The following ADAMTS18 variants were observed in gnomAD, a reference collection of about 807,000 sequenced individuals.
ADAMTS18 encodes the protein ADAM metallopeptidase with thrombospondin type 1 motif 18.
Under a neutral mutation model 165.9 loss-of-function variants are expected in ADAMTS18, and 157 were observed. That is an observed-to-expected ratio of 0.95 (90% confidence interval 0.83 to 1.08). The LOEUF (loss-of-function observed/expected upper bound fraction) is 1.08, where lower values mean the gene tolerates loss of function less well. Among genes scored for constraint, ADAMTS18 ranks in the 50% least tolerant of loss-of-function variants. ADAMTS18 has a pLI of 0.00. For synonymous variants in ADAMTS18, 782 were observed against 578.2 expected, an observed-to-expected ratio of 1.35 and a Z score of -5.06; for missense variants, 2,040 against 1,534.0, an observed-to-expected ratio of 1.33 and a Z score of -5.51.
intron 16 of ADAMTS18, 37 bp downstream of exon 16, chr16:77,319,812 A>G: frequency 6.2e-7 from 1 of 1,613,674 alleles, no homozygotes; most frequent in Non-Finnish European, 8.5e-7. Flanking sequence ...AAATGTAGCA[A>G]GAAGCACTGA....
intron 3 of ADAMTS18, among the ~76,000 whole-genome samples, chr16:77,424,933 C>T (rs978025945): frequency 2.6e-5 from 4 of 152,150 alleles, no homozygotes; most frequent in Non-Finnish European, 5.9e-5. Context: ...TTTCTGCCCG[C>T]CATGGACGAA....
intron 10 of ADAMTS18, among the ~76,000 whole-genome samples, chr16:77,343,641 G>C (rs2056432343): frequency 6.6e-6 from 1 of 152,168 alleles, no homozygotes; most frequent in African/African-American, 2.4e-5. Flanking sequence ...TCTGAGTCTA[G>C]TAACAACCAC....
chr16:77,373,014 A>G (rs2056898058), intron 3 of ADAMTS18, among the ~76,000 whole-genome samples: 1 of 152,192 alleles, frequency 6.6e-6, no homozygotes, highest in Non-Finnish European at 1.5e-5. Flanking sequence ...CATTCTAAAC[A>G]GGACGCTCCT....
At chr16:77,326,818 C>A (rs563479853) in intron 12 of ADAMTS18, among the ~76,000 whole-genome samples, 3 of 152,322 alleles carry the variant, frequency 2.0e-5, no homozygotes, top group African/African-American at 7.2e-5. Flanking sequence ...TGTTTCATCA[C>A]CCAGGTAATA....
At chr16:77,290,885 A>T in intron 21 of ADAMTS18, 1 of 339,392 alleles carries the variant, frequency 2.9e-6, no homozygotes. Context: ...GTTCAGAAAC[A>T]TGATGTAAGA....
chr16:77,415,594 C>A (rs1221989607), intron 3 of ADAMTS18, among the ~76,000 whole-genome samples: 1 of 152,088 alleles, frequency 6.6e-6, no homozygotes, highest in Non-Finnish European at 1.5e-5. Flanking sequence ...ATCTGATGTT[C>A]TGACTAGTCA....
At chr16:77,390,319 G>T (rs1330318310) in intron 3 of ADAMTS18, among the ~76,000 whole-genome samples, 2 of 152,236 alleles carry the variant, frequency 1.3e-5, no homozygotes, top group African/African-American at 4.8e-5. Flanking sequence ...ATTTAAGGAG[G>T]TTACTCAGAT....
intron 3 of ADAMTS18, among the ~76,000 whole-genome samples, chr16:77,371,643 G>C (rs2056877716): frequency 6.6e-6 from 1 of 152,120 alleles, no homozygotes; most frequent in African/African-American, 2.4e-5. Context: ...GTGGATTAAA[G>C]ACTTAAGTAA....
In ADAMTS18 at chr16:77,291,293, A is replaced by AGCTACCATGTTGTAC; in HGVS notation, c.3360_3374dup (p.Tyr1121_Ala1125dup). The AGCTACCATGTTGTAC allele has an allele frequency of 1.2e-6, 2 of 1,614,182 alleles. No homozygotes were observed. Among genetic ancestry groups the AGCTACCATGTTGTAC allele is most frequent in the Non-Finnish European group, 1.7e-6 (2 of 1,180,022 alleles). ...GCTGCCACGGCAATGAATACCATCC[A>AGCTACCATGTTGTAC]GCTACCATGTTGTACACTGGATGGG... On this transcript the variant is annotated inframe_insertion, in exon 21 of 23. Coordinates refer to ENST00000282849, the MANE Select transcript of ADAMTS18 (RefSeq NM_199355.4).
intron 3 of ADAMTS18, among the ~76,000 whole-genome samples, chr16:77,415,343 A>C (rs1293303651): frequency 2.6e-5 from 4 of 152,322 alleles, no homozygotes; most frequent in East Asian, 3.9e-4. Context: ...TGAAAGTTAA[A>C]CTAGATTAAC....
intron 3 of ADAMTS18, among the ~76,000 whole-genome samples, chr16:77,429,994 C>A (rs2057718898): frequency 6.6e-6 from 1 of 152,152 alleles, no homozygotes; most frequent in Admixed American, 6.5e-5. Flanking sequence ...GAATTAGAAC[C>A]TGGGCAGACT....
In ADAMTS18 at chr16:77,363,784, A is replaced by G. The variant is rs1168287683; in HGVS notation, c.1056+18T>C. ...AACGGCAGACTGAATGAAGACATAA[A>G]TGAAGTTTGCCACTTACAGGTTCTT... is the stretch of plus-strand genomic sequence containing the variant. On this transcript the variant is annotated intron_variant, in intron 6 of 22. Transcript: ENST00000282849. The G allele has an allele frequency of 6.2e-7, 1 of 1,610,538 alleles. No homozygotes were observed. Among genetic ancestry groups the G allele is most frequent in the Middle Eastern group, 1.7e-4 (1 of 6,046 alleles).
intron 3 of ADAMTS18, among the ~76,000 whole-genome samples, chr16:77,400,481 T>TGTGTG (rs1491498451): frequency 8.2e-5 from 9 of 109,668 alleles, no homozygotes; most frequent in African/African-American, 2.4e-4. Flanking sequence ...TGTGTGTGTG[T>TGTGTG]TTTGTTTTTT....
At chr16:77,421,752 C>G (rs1363235832) in intron 3 of ADAMTS18, among the ~76,000 whole-genome samples, 1 of 152,056 alleles carries the variant, frequency 6.6e-6, no homozygotes, top group Non-Finnish European at 1.5e-5. Context: ...CAAAGTAGGT[C>G]TCTCTCTCCC....
At chr16:77,364,063 G>A (rs2056755618) in intron 5 of ADAMTS18, 125 bp downstream of exon 5, 3 of 1,364,666 alleles carry the variant, frequency 2.2e-6, no homozygotes. Flanking sequence ...GCTATTAAAA[G>A]TAATGGCAGA....
intron 3 of ADAMTS18, among the ~76,000 whole-genome samples, chr16:77,369,721 G>T (rs567472496): frequency 1.8e-4 from 27 of 152,156 alleles, no homozygotes; most frequent in African/African-American, 5.8e-4. Flanking sequence ...TTGAAGAGGG[G>T]GTAGTTTTCC....
At chr16:77,366,581 AC>A (rs1319956468) in intron 4 of ADAMTS18, among the ~76,000 whole-genome samples, 1 of 152,130 alleles carries the variant, frequency 6.6e-6, no homozygotes, top group South Asian at 2.1e-4. Context: ...AAAAACAAAA[AC>A]AAAAAAACAA....
chr16:77,426,439 G>T (rs2144858494), intron 3 of ADAMTS18, among the ~76,000 whole-genome samples: 2 of 152,252 alleles, frequency 1.3e-5, no homozygotes, highest in South Asian at 4.1e-4. Flanking sequence ...TTTCTGACTT[G>T]TCAATATGCT....
At chr16:77,360,912 C>T (rs1348452751) in intron 7 of ADAMTS18, among the ~76,000 whole-genome samples, 4 of 151,754 alleles carry the variant, frequency 2.6e-5, no homozygotes, top group Non-Finnish European at 5.9e-5. Context: ...CATGGTGAAA[C>T]CCGTCTCTAC....
Sources: allele counts gnomAD v4.1 joint callset (sites outside exome capture counted in the v4.1 genomes callset), GRCh38; gene constraint gnomAD v4.1.1; transcripts MANE v1.5; gene names NCBI Gene and HGNC (gene_info 2026-07-23, HGNC 2026-07-21).